The following MCM9 variants were observed in gnomAD, a reference collection of about 807,000 sequenced individuals.
MCM9 encodes DNA helicase MCM9.
Under a neutral mutation model 72.8 loss-of-function variants are expected in MCM9, and 55 were observed. The ratio of observed to expected loss-of-function variants is 0.76; its 90% CI spans 0.61 to 0.95. The LOEUF is 0.95. MCM9 is among the 40% of genes least tolerant of loss of function. The pLI, the probability that MCM9 is intolerant of heterozygous loss-of-function variation, is 0.00. For synonymous variants in MCM9, 480 were observed against 503.4 expected, an observed-to-expected ratio of 0.95 and a Z score of 0.62; for missense variants, 1,279 against 1,377.0, an observed-to-expected ratio of 0.93 and a Z score of 1.13.
intron 8 of MCM9, among the ~76,000 whole-genome samples, chr6:118,903,110 G>T (rs768995): frequency 0.058 from 8,789 of 151,448 alleles, 365 homozygotes; most frequent in East Asian, 0.19. Flanking sequence ...ATTTACAACA[G>T]ATTTTAAAAC....
At chr6:118,818,084 T>A (rs9489532) in intron 13 of MCM9, among the ~76,000 whole-genome samples, 29,186 of 152,198 alleles carry the variant, frequency 0.19, 3,382 homozygotes, top group Non-Finnish European at 0.27. Flanking sequence ...AAGTTGCCTG[T>A]TCACTCTGAT....
intron 5 of MCM9, chr6:118,921,449 C>T (rs1781419139): frequency 6.6e-6 from 1 of 152,178 alleles, no homozygotes; most frequent in Non-Finnish European, 1.5e-5. Context: ...TTCAAGTACC[C>T]TCCCAATTCA....
intron 9 of MCM9, among the ~76,000 whole-genome samples, chr6:118,839,692 C>G (rs1256704382): frequency 5.3e-5 from 8 of 152,170 alleles, no homozygotes; most frequent in Non-Finnish European, 1.0e-4. Flanking sequence ...TGCTGCAGGT[C>G]TGCTGGCGTT....
intron 8 of MCM9, among the ~76,000 whole-genome samples, chr6:118,899,789 T>C (rs926798162): frequency 5.9e-5 from 9 of 152,230 alleles, no homozygotes; most frequent in South Asian, 2.1e-4. Flanking sequence ...ACTAACTAGA[T>C]TGTCATGAGT....
intron 8 of MCM9, among the ~76,000 whole-genome samples, chr6:118,895,320 T>TTTC (rs1406233553): frequency 6.6e-6 from 1 of 152,110 alleles, no homozygotes; most frequent in African/African-American, 2.4e-5. Context: ...CGTGGACTCC[T>TTTC]TTCCCCTAAT....
chr6:118,839,942 G>C (rs907504807), intron 9 of MCM9, among the ~76,000 whole-genome samples: 1 of 152,164 alleles, frequency 6.6e-6, no homozygotes, highest in Non-Finnish European at 1.5e-5. Context: ...AGCAGAGCTC[G>C]AGCGCTGTGC....
Position 118,861,661 on chromosome 6 carries a change from G to C in MCM9, c.1151-5116C>G, listed in dbSNP as rs1455425767. 2.0e-5 allele frequency among the ~76,000 whole-genome samples: 3 copies of C among 152,238 alleles called. No individual in the cohort carries two copies. In the East Asian group the frequency reaches 5.8e-4, roughly 29 times the overall value. On this transcript the variant is annotated intron_variant, in intron 8 of 13. Coordinates refer to ENST00000619706, the MANE Select transcript of MCM9 (RefSeq NM_017696.3). ...CTCCTTTCTGCAGGCAGGTTGACCT[G>C]ATGAGTGTGTGCATCTGGCTGGGTC...
At chr6:118,920,508 A>G (rs1476687984) in intron 5 of MCM9, 1 of 152,282 alleles carries the variant, frequency 6.6e-6, no homozygotes, top group Non-Finnish European at 1.5e-5. Context: ...GTTGAGATAT[A>G]ATCCCTAGTA....
intron 8 of MCM9, among the ~76,000 whole-genome samples, chr6:118,881,256 C>A (rs994554239): frequency 6.6e-6 from 1 of 152,090 alleles, no homozygotes; most frequent in Admixed American, 6.6e-5. Context: ...AATTTATACA[C>A]CCTAACTTTC....
chr6:118,890,604 C>A lies in MCM9; in HGVS notation c.1150+21046G>T, dbSNP rs184737227. 3.0e-3 allele frequency among the ~76,000 whole-genome samples: 461 copies of A among 152,232 alleles called. 3 individuals carry two copies. Among genetic ancestry groups the A allele is most frequent in the Middle Eastern group, 6.8e-3 (2 of 294 alleles). On this transcript the variant is annotated intron_variant, in intron 8 of 13. Coordinates refer to ENST00000619706, the MANE Select transcript of MCM9 (RefSeq NM_017696.3). Reference sequence around the variant, plus strand: ...TTTGACTATTTCTCACAGAGCCTAGCATAAAAATTTCACATAACAAATGCT... The same window carrying A: ...TTTGACTATTTCTCACAGAGCCTAGAATAAAAATTTCACATAACAAATGCT...
chr6:118,913,509 A>C, intron 6 of MCM9, 89 bp from the exon 7 acceptor site: 5 of 1,502,848 alleles, frequency 3.3e-6, no homozygotes, highest in Non-Finnish European at 4.6e-6. Flanking sequence ...GACCATCCTC[A>C]TTTAAATATA....
chr6:118,905,192 GGTATGAGAATATAA>G (rs1421350299), intron 8 of MCM9, among the ~76,000 whole-genome samples: 1 of 152,050 alleles, frequency 6.6e-6, no homozygotes, highest in Non-Finnish European at 1.5e-5. Flanking sequence ...TGGTTGAGTG[GGTATGAGAATATAA>G]GTATCCTGGG....
intron 8 of MCM9, among the ~76,000 whole-genome samples, chr6:118,889,108 A>T (rs149669838): frequency 0.038 from 5,730 of 152,332 alleles, 173 homozygotes; most frequent in Non-Finnish European, 0.06. Context: ...GTTACCTGAA[A>T]AATATTACTG....
chr6:118,911,342 C>T, intron 8 of MCM9: 1 of 1,068,014 alleles, frequency 9.4e-7, no homozygotes, highest in South Asian at 3.9e-5. Flanking sequence ...TTTAACATTC[C>T]AGTTGCTGAG....
chr6:118,907,729 C>A, intron 8 of MCM9: 3 of 772,758 alleles, frequency 3.9e-6, no homozygotes, highest in Non-Finnish European at 6.1e-6. Context: ...TTAAAAACAT[C>A]CTGTAGAAAG....
intron 8 of MCM9, chr6:118,907,957 T>G (rs1780285726): frequency 5.7e-6 from 1 of 174,972 alleles, no homozygotes; most frequent in Non-Finnish European, 1.2e-5. Flanking sequence ...CAGACAGTCT[T>G]TGGACCACTA....
intron 8 of MCM9, among the ~76,000 whole-genome samples, chr6:118,868,080 T>C (rs1214222171): frequency 6.6e-6 from 1 of 152,150 alleles, no homozygotes; most frequent in Admixed American, 6.5e-5. Flanking sequence ...TTTCACCATG[T>C]TGGCCAGGCT....
At chr6:118,917,928 T>C (rs1156694521) in intron 5 of MCM9, 167 bp from the exon 6 acceptor site, 2 of 607,132 alleles carry the variant, frequency 3.3e-6, no homozygotes, top group Non-Finnish European at 5.8e-6. Context: ...CCCCAGATTC[T>C]TGACTGTTGT....
At chr6:118,870,730 C>T (rs946005261) in intron 8 of MCM9, among the ~76,000 whole-genome samples, 50 of 151,566 alleles carry the variant, frequency 3.3e-4, no homozygotes, top group Non-Finnish European at 5.9e-4. Context: ...CTTAGCTACA[C>T]GAGGAAAAAG....
Sources: gnomAD v4.1 joint callset for allele counts (sites outside exome capture counted in the v4.1 genomes callset) on GRCh38, gnomAD v4.1.1 for gene constraint, MANE v1.5 for transcripts, NCBI Gene and HGNC (gene_info 2026-07-23, HGNC 2026-07-21) for gene names.